The following WDR93 variants were observed in gnomAD, a reference collection of about 807,000 sequenced individuals.
WDR93 encodes WD repeat-containing protein 93.
A neutral mutation model predicts 82.9 loss-of-function variants in WDR93; 73 were observed. The ratio of observed to expected loss-of-function variants is 0.88; its 90% CI spans 0.73 to 1.07. The LOEUF is 1.07. Among genes scored for constraint, WDR93 ranks in the 50% least tolerant of loss-of-function variants. WDR93 has a pLI of 0.00. For synonymous variants in WDR93, 283 were observed against 300.1 expected (o/e 0.94, Z 0.59); for missense variants, 738 against 826.0 (o/e 0.89, Z 1.31).
intron 1 of WDR93, among the ~76,000 whole-genome samples, chr15:89,695,280 A>G (rs771806520): frequency 9.9e-5 from 15 of 152,204 alleles, no homozygotes; most frequent in Non-Finnish European, 2.2e-4. Context: ...CACACTCTCC[A>G]TTTATTTAGG....
chr15:89,737,080 C>T lies in WDR93; in HGVS notation c.1609-493C>T, dbSNP rs7173115. On this transcript the variant is annotated intron_variant, in intron 14 of 16. Coordinates refer to ENST00000268130, the MANE Select transcript of WDR93 (RefSeq NM_020212.2). ...TGCTGGGATTACAGGCATGAGCCAT[C>T]GCGCCCGGCCAAAGGGGACTTTCTA... is the stretch of plus-strand genomic sequence containing the variant. Among the ~76,000 whole-genome samples the T allele has an allele frequency of 4.6e-3, 699 of 152,264 alleles. 7 individuals carry two copies. The highest frequency in any genetic ancestry group is 0.015 in the African/African-American group (639 of 41,542).
chr15:89,690,750 C>G (rs1964826097), upstream of WDR93: 2 of 642,530 alleles, frequency 3.1e-6, no homozygotes, highest in Non-Finnish European at 5.2e-6. Flanking sequence ...GGGGCTGAGT[C>G]TCTCCGCCCC....
intron 4 of WDR93, among the ~76,000 whole-genome samples, chr15:89,710,363 G>GA (rs1186885106): frequency 6.6e-6 from 1 of 152,154 alleles, no homozygotes; most frequent in African/African-American, 2.4e-5. Flanking sequence ...GAAATTATAT[G>GA]AAACTTAAGA....
In WDR93 at chr15:89,738,210, G is replaced by A. The variant is rs2141719160; in HGVS notation, c.1935G>A (p.Lys645=). The A allele has an allele frequency of 6.2e-7, 1 of 1,612,974 alleles. No homozygotes were observed. The change falls in exon 16 of 17, where the codon AAG becomes AAA. Residue 645 remains lysine (K), a synonymous_variant. Coordinates refer to ENST00000268130, the MANE Select transcript of WDR93 (RefSeq NM_020212.2). ...MAFPQALPLE[K]RCERFLQKSY... The stretch of plus-strand genomic sequence containing the variant: ...TCCCCCAAGCACTGCCACTGGAGAA[G>A]AGATGTGAGCGTTTCCTCCAGAAGA...
At chr15:89,710,974 T>C (rs1965948884) in intron 4 of WDR93, among the ~76,000 whole-genome samples, 1 of 152,240 alleles carries the variant, frequency 6.6e-6, no homozygotes, top group South Asian at 2.1e-4. Flanking sequence ...GGTATCCTAC[T>C]TTTGTTGCCT....
chr15:89,727,380 T>C (rs772318431), intron 9 of WDR93, 52 bp downstream of exon 9: 2 of 1,584,404 alleles, frequency 1.3e-6, no homozygotes, highest in South Asian at 1.1e-5. Flanking sequence ...GCTTCTGCTG[T>C]CTTGGCACAT....
At chr15:89,736,410 AC>A (rs1200940592) in intron 14 of WDR93, among the ~76,000 whole-genome samples, 2 of 152,122 alleles carry the variant, frequency 1.3e-5, no homozygotes, top group Non-Finnish European at 2.9e-5. Flanking sequence ...TTCCATGCTC[AC>A]CAGCCAGGTA....
chr15:89,722,484 C>T (rs559897087), intron 8 of WDR93, among the ~76,000 whole-genome samples: 1 of 152,240 alleles, frequency 6.6e-6, no homozygotes, highest in East Asian at 1.9e-4. Context: ...TTAATTTATT[C>T]ATTATTATTT....
chr15:89,741,192 A>C (rs1315485987), intron 16 of WDR93, among the ~76,000 whole-genome samples: 1 of 152,224 alleles, frequency 6.6e-6, no homozygotes, highest in Non-Finnish European at 1.5e-5. Context: ...ATTACACATA[A>C]ATCACACCAG....
intron 14 of WDR93, among the ~76,000 whole-genome samples, chr15:89,736,990 A>T (rs1247194850): frequency 2.0e-5 from 3 of 152,088 alleles, no homozygotes; most frequent in Non-Finnish European, 4.4e-5. Flanking sequence ...ACGAGGTTTC[A>T]CCGTGTTAGC....
chr15:89,709,129 C>T (rs1965849994), intron 4 of WDR93, among the ~76,000 whole-genome samples: 1 of 152,182 alleles, frequency 6.6e-6, no homozygotes, highest in Non-Finnish European at 1.5e-5. Flanking sequence ...TCCAGGGCCC[C>T]TTCTCACCAA....
chr15:89,712,108 A>G lies in WDR93; in HGVS notation c.640+4A>G. ...TTTGCAGCCTTCCTCCTACAAGGCA[A>G]GATTAACCAAAGACTGTTAAGGTTC... On this transcript the variant is annotated splice_donor_region_variant and intron_variant, in intron 5 of 16. Coordinates refer to ENST00000268130, the MANE Select transcript of WDR93 (RefSeq NM_020212.2). The G allele has an allele frequency of 6.2e-7, 1 of 1,610,756 alleles. No individual in the cohort carries two copies. The highest frequency in any genetic ancestry group is 8.5e-7 in the Non-Finnish European group (1 of 1,177,974).
At chr15:89,738,004 T>C (rs780295758) in intron 15 of WDR93, 37 bp from the exon 16 acceptor site, 55 of 1,565,352 alleles carry the variant, frequency 3.5e-5, no homozygotes, top group Non-Finnish European at 4.7e-5. Context: ...GAGAAAGCGA[T>C]TGTTACACAG....
intron 1 of WDR93, among the ~76,000 whole-genome samples, chr15:89,693,551 T>A (rs1333313269): frequency 6.6e-6 from 1 of 152,164 alleles, no homozygotes; most frequent in Non-Finnish European, 1.5e-5. Flanking sequence ...CCCCTAAAAG[T>A]CTGAGAAAGC....
chr15:89,702,490 T>G (rs1240596520), intron 2 of WDR93, among the ~76,000 whole-genome samples: 1 of 152,192 alleles, frequency 6.6e-6, no homozygotes, highest in East Asian at 1.9e-4. Flanking sequence ...ATGAATTTCT[T>G]GATGCTTAGG....
In WDR93 at chr15:89,690,837, G is replaced by A; in HGVS notation, c.-61G>A. On this transcript the variant is annotated 5_prime_UTR_variant, in exon 1 of 17. Transcript: ENST00000268130. ...AGCCGGAAGTTGTGGTTACCAAGGC[G>A]ACGCAACGCCGCCCGGCCAGGTGAG... is the stretch of plus-strand genomic sequence containing the variant. 1.8e-6 allele frequency: 1 copy of A among 555,498 alleles called. No homozygotes were observed. Among genetic ancestry groups the A allele is most frequent in the South Asian group, 2.1e-5 (1 of 46,628 alleles). 34.4% of individuals were successfully genotyped at this position (555,498 alleles called of 1,614,324 possible). A position where few individuals can be genotyped will look rare whatever the true frequency, so the allele number is the denominator to read the frequency against.
At chr15:89,741,384 C>T (rs1427269658) in intron 16 of WDR93, among the ~76,000 whole-genome samples, 1 of 152,070 alleles carries the variant, frequency 6.6e-6, no homozygotes, top group African/African-American at 2.4e-5. Context: ...TGCGCCACCA[C>T]ACCCAGCTAA....
chr15:89,737,042 T>C lies in WDR93; in HGVS notation c.1609-531T>C, dbSNP rs193204261. ...TCCTGACCTCGTGATCCGCCCACCTTGGCCTCCCAAAGTGCTGGGATTACA... is the reference window on the plus strand; with the variant it reads ...TCCTGACCTCGTGATCCGCCCACCTCGGCCTCCCAAAGTGCTGGGATTACA... On this transcript the variant is annotated intron_variant, in intron 14 of 16. Coordinates refer to ENST00000268130, the MANE Select transcript of WDR93 (RefSeq NM_020212.2). Among the ~76,000 whole-genome samples the C allele has an allele frequency of 2.1e-3, 319 of 152,280 alleles. 4 individuals carry two copies. The highest frequency in any genetic ancestry group is 6.7e-3 in the African/African-American group (277 of 41,570).
rs1460467430 is a variant in WDR93, at chr15:89,701,244, G to T, written c.-40-463G>T. On this transcript the variant is annotated intron_variant, in intron 1 of 16. Coordinates refer to ENST00000268130, the MANE Select transcript of WDR93 (RefSeq NM_020212.2). ...GCAGCAGCAGCGGGAAAGGAGAAAA[G>T]GGAACAAATCAGACAGTCGGGATTG... Among the ~76,000 whole-genome samples, 7 of 152,106 alleles carry T rather than the reference G, an allele frequency of 4.6e-5. No individual in the cohort carries two copies. In the South Asian group the frequency reaches 8.3e-4, roughly 18 times the overall value.
Sources: gnomAD v4.1 joint callset for allele counts (sites outside exome capture counted in the v4.1 genomes callset) on GRCh38, gnomAD v4.1.1 for gene constraint, MANE v1.5 for transcripts, NCBI Gene and HGNC (gene_info 2026-07-23, HGNC 2026-07-21) for gene names.